The following PCDHA5 variants were observed in gnomAD, a reference collection of about 807,000 sequenced individuals.
The protein encoded by PCDHA5 is protocadherin alpha 5.
PCDHA5 carries 43 observed loss-of-function variants against 61.6 expected under a neutral mutation model. The observed-to-expected ratio is 0.70, with a 90% CI of 0.55 to 0.90. The LOEUF is 0.90. PCDHA5 is among the 40% of genes least tolerant of loss of function. The pLI, the probability that PCDHA5 is intolerant of heterozygous loss-of-function variation, is 0.00. For missense variants in PCDHA5, 1,298 were observed against 1,222.7 expected, an observed-to-expected ratio of 1.06 and a Z score of -0.92; for synonymous variants, 627 against 543.9, an observed-to-expected ratio of 1.15 and a Z score of -2.13.
At chr5:140,858,433 G>A in intron 1 of PCDHA5, 3 of 1,545,478 alleles carry the variant, frequency 1.9e-6, no homozygotes, top group Non-Finnish European at 2.6e-6. Flanking sequence ...ACCACTCTAG[G>A]AAGGTGGGTT....
At chr5:140,884,063 G>T in intron 1 of PCDHA5, 1 of 1,613,496 alleles carries the variant, frequency 6.2e-7, no homozygotes, top group Non-Finnish European at 8.5e-7. Context: ...CGCGGTGGAC[G>T]CCGATTCGGG....
chr5:140,861,259 G>A (rs1180244061), intron 1 of PCDHA5: 2 of 166,330 alleles, frequency 1.2e-5, no homozygotes, highest in Non-Finnish European at 2.6e-5. Flanking sequence ...AGGAATCCCG[G>A]AGCCTACAGC....
At chr5:140,836,674 C>CA in intron 1 of PCDHA5, 1 of 1,613,468 alleles carries the variant, frequency 6.2e-7, no homozygotes. Context: ...GGGGAGGGCC[C>CA]ACCCAAGACA....
At position 140,828,792 on chromosome 5, in the gene PCDHA5, A is replaced by G. The variant is rs1554131542; in HGVS notation, c.2352+4665A>G. 3 of 1,614,098 alleles carry G rather than the reference A, an allele frequency of 1.9e-6. No homozygotes were observed. The East Asian group carries it at 6.7e-5, about 36-fold the overall frequency. ...GTTCAGCTGCTGGTCACAGTGCTGG[A>G]TGTGAATGATAATGCTCCCACTTTC... On this transcript the variant is annotated intron_variant, in intron 1 of 3. Coordinates refer to ENST00000529859, the MANE Select transcript of PCDHA5 (RefSeq NM_018908.3).
chr5:141,002,189 C>T (rs1277871243), intron 3 of PCDHA5, among the ~76,000 whole-genome samples: 4 of 152,220 alleles, frequency 2.6e-5, no homozygotes, highest in African/African-American at 9.6e-5. Flanking sequence ...TGCTGTCTGG[C>T]AAGATAGTCC....
At chr5:140,916,367 CT>C (rs1359695566) in intron 1 of PCDHA5, among the ~76,000 whole-genome samples, 1 of 152,196 alleles carries the variant, frequency 6.6e-6, no homozygotes, top group Non-Finnish European at 1.5e-5. Flanking sequence ...GAGTCTTTCA[CT>C]GTAGCCACCA....
chr5:140,851,936 G>C (rs1554145612), intron 1 of PCDHA5: 1 of 965,662 alleles, frequency 1.0e-6, no homozygotes, highest in African/African-American at 1.8e-5. Flanking sequence ...CTGAATTGTA[G>C]TATGTGACTT....
rs781875497 is a variant in PCDHA5 at position 140,995,949 on chromosome 5, G to A, written c.2500+13386G>A. Among the ~76,000 whole-genome samples, 8 of 152,160 alleles carry A rather than the reference G, an allele frequency of 5.3e-5. No homozygotes were observed. In the East Asian group the frequency reaches 7.7e-4, roughly 15 times the overall value. ...GTAAGTATTAAATGACATAATGCACGCAAAATGCTTAGAACCATGCTTAGT... is the reference window on the plus strand; with the variant it reads ...GTAAGTATTAAATGACATAATGCACACAAAATGCTTAGAACCATGCTTAGT... On this transcript the variant is annotated intron_variant, in intron 3 of 3. Transcript: ENST00000529859.
chr5:140,951,252 A>AT (rs1488592252), intron 1 of PCDHA5, among the ~76,000 whole-genome samples: 16 of 151,738 alleles, frequency 1.1e-4, no homozygotes, highest in Admixed American at 1.1e-3. Context: ...AATGCATCAC[A>AT]TTTTTCTGGT....
At position 140,823,323 on chromosome 5, in the gene PCDHA5, G is replaced by A; in HGVS notation, c.1548G>A (p.Val516=). The change falls in exon 1 of 4, where the codon GTG becomes GTA. Residue 516 remains valine (V), a synonymous_variant. Transcript: ENST00000529859. ...CGGTGCACGCGGAGAGCGGCAAGGT[G>A]TACGCGCTGCAGCCGCTGGACCACG... ...YVSVHAESGK[V]YALQPLDHEE... The A allele has an allele frequency of 1.9e-6, 3 of 1,612,186 alleles. No individual in the cohort carries two copies. The highest frequency in any genetic ancestry group is 8.5e-7 in the Non-Finnish European group (1 of 1,179,758).
In PCDHA5 at chr5:140,852,902, A is replaced by ATG. The variant is rs1554146177; in HGVS notation, c.2352+28775_2352+28776insTG. The stretch of plus-strand genomic sequence containing the variant: ...TAAAACGTATTTTTTTTTTTGAGTC[A>ATG]GAGTCTCGCTCTGTTGCCCAGGCTG... On this transcript the variant is annotated intron_variant, in intron 1 of 3. Transcript: ENST00000529859. 5.3e-4 allele frequency: 438 copies of ATG among 830,724 alleles called. 11 individuals carry two copies. In the South Asian group the frequency reaches 0.021, roughly 39 times the overall value. 51.5% of individuals were successfully genotyped at this position (830,724 alleles called of 1,614,324 possible).
intron 1 of PCDHA5, among the ~76,000 whole-genome samples, chr5:140,837,811 G>A (rs1775265637): frequency 1.3e-5 from 2 of 151,598 alleles, no homozygotes; most frequent in African/African-American, 2.4e-5. Flanking sequence ...GGAGTAGCTG[G>A]GAATACAGTT....
At chr5:141,004,935 A>C (rs1554259817) in intron 3 of PCDHA5, among the ~76,000 whole-genome samples, 1 of 152,112 alleles carries the variant, frequency 6.6e-6, no homozygotes, top group African/African-American at 2.4e-5. Flanking sequence ...GAGAGAAGAA[A>C]ATTTCTTACC....
chr5:140,895,631 C>T (rs1227407918), intron 1 of PCDHA5, among the ~76,000 whole-genome samples: 4 of 152,106 alleles, frequency 2.6e-5, no homozygotes, highest in African/African-American at 9.7e-5. Context: ...TGTCTTTTCA[C>T]ATTCTTTTTT....
At chr5:140,863,421 CGTA>C in intron 1 of PCDHA5, 3 of 689,676 alleles carry the variant, frequency 4.3e-6, no homozygotes, top group Non-Finnish European at 7.6e-6. Flanking sequence ...TGTACCGCAG[CGTA>C]GTGGGATCTG....
chr5:140,869,840 A>G (rs782569950), intron 1 of PCDHA5: 32 of 1,611,616 alleles, frequency 2.0e-5, no homozygotes, highest in Non-Finnish European at 2.6e-5. Context: ...GATAAATCAG[A>G]ATATAAGGTG....
chr5:140,870,218 G>A, intron 1 of PCDHA5: 1 of 1,614,172 alleles, frequency 6.2e-7, no homozygotes, highest in Non-Finnish European at 8.5e-7. Context: ...GCCCTGATCA[G>A]CGTGTCTGAC....
At chr5:140,894,904 A>G (rs1422978967) in intron 1 of PCDHA5, among the ~76,000 whole-genome samples, 1 of 152,168 alleles carries the variant, frequency 6.6e-6, no homozygotes, top group Non-Finnish European at 1.5e-5. Context: ...TAATTTTCCT[A>G]TCTTTGTTGC....
At chr5:141,005,594 C>T (rs534928198) in intron 3 of PCDHA5, among the ~76,000 whole-genome samples, 10 of 147,680 alleles carry the variant, frequency 6.8e-5, no homozygotes, top group African/African-American at 1.8e-4. Flanking sequence ...CCCAGCTACA[C>T]AGGAGGCTGA....
Sources: allele counts gnomAD v4.1 joint callset (sites outside exome capture counted in the v4.1 genomes callset), GRCh38; gene constraint gnomAD v4.1.1; transcripts MANE v1.5; gene names NCBI Gene and HGNC (gene_info 2026-07-23, HGNC 2026-07-21).